The following TRIM71 variants were observed in gnomAD, a reference collection of about 807,000 sequenced individuals.
The protein encoded by TRIM71 is tripartite motif containing 71.
A neutral mutation model predicts 61.2 loss-of-function variants in TRIM71; 9 were observed. That is an observed-to-expected ratio of 0.15 (90% CI 0.09 to 0.26). The LOEUF (loss-of-function observed/expected upper bound fraction) is 0.26, where lower values mean the gene tolerates loss of function less well. Ranked by LOEUF, TRIM71 falls within the 10% of genes least tolerant of loss-of-function variation. TRIM71 has a pLI of 1.00. For synonymous variants in TRIM71, 645 were observed against 553.2 expected (o/e 1.17, Z -2.33); for missense variants, 998 against 1,238.7 (o/e 0.81, Z 2.92).
At chr3:32,825,394 A>G (rs958434740) in intron 1 of TRIM71, among the ~76,000 whole-genome samples, 17 of 152,158 alleles carry the variant, frequency 1.1e-4, no homozygotes, top group Admixed American at 2.6e-4. Flanking sequence ...ATAATTCTGT[A>G]GCTCTAAAAT....
chr3:32,821,672 C>A (rs909469256), intron 1 of TRIM71, among the ~76,000 whole-genome samples: 1 of 152,156 alleles, frequency 6.6e-6, no homozygotes, highest in African/African-American at 2.4e-5. Flanking sequence ...GTCCGAAAGG[C>A]CTGCAGGCTC....
chr3:32,888,702 G>A (rs6784830), intron 3 of TRIM71, among the ~76,000 whole-genome samples: 67,459 of 151,842 alleles, frequency 0.44, 17,417 homozygotes, highest in Admixed American at 0.57. Flanking sequence ...CACCACGCTC[G>A]GCTAGTTTTG....
At chr3:32,868,690 T>A (rs1026212410) in intron 1 of TRIM71, among the ~76,000 whole-genome samples, 1 of 151,542 alleles carries the variant, frequency 6.6e-6, no homozygotes, top group African/African-American at 2.4e-5. Flanking sequence ...ATTAGGGTTT[T>A]TTTTTTTTTT....
chr3:32,838,470 G>A (rs184444439), intron 1 of TRIM71, among the ~76,000 whole-genome samples: 2 of 150,380 alleles, frequency 1.3e-5, no homozygotes, highest in East Asian at 2.0e-4. Context: ...TGATCCACCC[G>A]CCTCTGCCTC....
intron 2 of TRIM71, among the ~76,000 whole-genome samples, chr3:32,878,876 A>G (rs986196701): frequency 2.6e-5 from 4 of 152,202 alleles, no homozygotes; most frequent in East Asian, 1.9e-4. Flanking sequence ...TTCTGTAGCT[A>G]TGAAAGTCCT....
At position 32,871,292 on chromosome 3, in the gene TRIM71, C is replaced by G. The variant is rs186888697; in HGVS notation, c.853-2526C>G. Among the ~76,000 whole-genome samples, 19 of 152,270 alleles carry G rather than the reference C, an allele frequency of 1.2e-4. No homozygotes were observed. The East Asian group carries it at 3.7e-3, about 29-fold the overall frequency. ...GAGATGAGAGCAATCTAGGTAGTTACAATTTGCAAGAGCCCCTTAGTCCGA... is the reference window on the plus strand; with the variant it reads ...GAGATGAGAGCAATCTAGGTAGTTAGAATTTGCAAGAGCCCCTTAGTCCGA... On this transcript the variant is annotated intron_variant, in intron 1 of 3. Transcript: ENST00000383763.
At chr3:32,861,152 G>A (rs557001522) in intron 1 of TRIM71, among the ~76,000 whole-genome samples, 4 of 151,862 alleles carry the variant, frequency 2.6e-5, no homozygotes, top group African/African-American at 9.6e-5. Flanking sequence ...TCCAGCCAGA[G>A]CAAGACTGTC....
At position 32,836,759 on chromosome 3, in the gene TRIM71, G is replaced by A. The variant is rs564943903; in HGVS notation, c.852+17827G>A. Among the ~76,000 whole-genome samples the A allele has an allele frequency of 3.9e-5, 6 of 152,260 alleles. No homozygotes were observed. The South Asian group carries it at 1.2e-3, about 32-fold the overall frequency. ...GTGGGTGAAGAGTAGGTATATGAAG[G>A]CCCTTAACTTGTGAATGCCAGCTGG... On this transcript the variant is annotated intron_variant, in intron 1 of 3. Coordinates refer to ENST00000383763, the MANE Select transcript of TRIM71 (RefSeq NM_001039111.3).
At chr3:32,874,246 C>T (rs941462473) in intron 2 of TRIM71, among the ~76,000 whole-genome samples, 3 of 152,126 alleles carry the variant, frequency 2.0e-5, no homozygotes, top group Non-Finnish European at 4.4e-5. Context: ...CGTGTCCCAC[C>T]CAGCCACCTC....
intron 1 of TRIM71, 106 bp downstream of exon 1, chr3:32,819,038 T>C: frequency 7.8e-7 from 1 of 1,284,542 alleles, no homozygotes; most frequent in Non-Finnish European, 1.1e-6. Context: ...CTCTCCGGAT[T>C]TGGTTTGTAT....
chr3:32,825,983 G>A (rs1696195833), intron 1 of TRIM71, among the ~76,000 whole-genome samples: 1 of 152,172 alleles, frequency 6.6e-6, no homozygotes, highest in Non-Finnish European at 1.5e-5. Flanking sequence ...AAAGTGGGAG[G>A]AGTAGGGGGC....
At chr3:32,871,554 C>T (rs1472669755) in intron 1 of TRIM71, among the ~76,000 whole-genome samples, 1 of 152,154 alleles carries the variant, frequency 6.6e-6, no homozygotes, top group Non-Finnish European at 1.5e-5. Flanking sequence ...AAAGGAACGT[C>T]GTTCAAACTG....
intron 1 of TRIM71, among the ~76,000 whole-genome samples, chr3:32,825,978 GGGA>G (rs1417975396): frequency 6.6e-6 from 1 of 152,158 alleles, no homozygotes; most frequent in African/African-American, 2.4e-5. Flanking sequence ...CCTAAAAAGT[GGGA>G]GGAGTAGGGG....
intron 1 of TRIM71, among the ~76,000 whole-genome samples, chr3:32,857,536 C>T (rs1696619063): frequency 6.6e-6 from 1 of 152,126 alleles, no homozygotes; most frequent in Admixed American, 6.5e-5. Flanking sequence ...CTCCCCAAAA[C>T]CTATATAGTA....
Position 32,894,937 on chromosome 3 carries a change from T to C in TRIM71, c.*3126T>C, listed in dbSNP as rs114173346. 1,045 of 152,316 alleles carry C rather than the reference T, an allele frequency of 6.9e-3. 7 individuals carry two copies. Among genetic ancestry groups the C allele is most frequent in the Middle Eastern group, 0.044 (13 of 294 alleles). The allele number at this position is 152,316 out of a possible 1,614,324, so 9.4% of individuals were successfully genotyped here. A position where few individuals can be genotyped will look rare whatever the true frequency, so the allele number is the denominator to read the frequency against. On this transcript the variant is annotated 3_prime_UTR_variant, in exon 4 of 4. Transcript: ENST00000383763. ...TAAAAAGGTTTCTGGGGAGTAAGTATGACAATTACTAGTCCCCATGGAGGT... is the reference window on the plus strand; with the variant it reads ...TAAAAAGGTTTCTGGGGAGTAAGTACGACAATTACTAGTCCCCATGGAGGT...
intron 1 of TRIM71, among the ~76,000 whole-genome samples, chr3:32,847,795 C>A (rs1377623504): frequency 6.6e-6 from 1 of 152,082 alleles, no homozygotes; most frequent in Non-Finnish European, 1.5e-5. Context: ...TTAGCTGGCT[C>A]TCAATATGGG....
chr3:32,819,272 GC>G (rs1696101110), intron 1 of TRIM71, among the ~76,000 whole-genome samples: 2 of 766 alleles, frequency 2.6e-3, no homozygotes, highest in Non-Finnish European at 9.4e-3. Context: ...GACGTGGCCT[GC>G]TCCTGCTCTT....
intron 1 of TRIM71, among the ~76,000 whole-genome samples, chr3:32,827,337 C>A (rs118188199): frequency 0.012 from 1,691 of 138,170 alleles, 31 homozygotes; most frequent in East Asian, 0.11. Context: ...GATCTCGGCT[C>A]CTTGTACCTT....
At chr3:32,877,012 G>A (rs1696858101) in intron 2 of TRIM71, among the ~76,000 whole-genome samples, 1 of 151,962 alleles carries the variant, frequency 6.6e-6, no homozygotes. Flanking sequence ...GGGGCATTTT[G>A]GGTAGAGGCA....
Sources: allele counts gnomAD v4.1 joint callset (sites outside exome capture counted in the v4.1 genomes callset), GRCh38; gene constraint gnomAD v4.1.1; transcripts MANE v1.5; gene names NCBI Gene and HGNC (gene_info 2026-07-23, HGNC 2026-07-21).